The following SLC25A48 variants were observed in gnomAD, a reference collection of about 807,000 sequenced individuals.
SLC25A48 encodes the protein CTC-321K16.1.
Under a neutral mutation model 32.2 loss-of-function variants are expected in SLC25A48, and 29 were observed. The ratio of observed to expected loss-of-function variants is 0.90; its 90% CI spans 0.67 to 1.23. SLC25A48 has a LOEUF of 1.23. Ranked by LOEUF, SLC25A48 falls within the 50% of genes most tolerant of loss-of-function variation. SLC25A48 has a pLI of 0.00. For synonymous variants in SLC25A48, 164 were observed against 172.3 expected (o/e 0.95, Z 0.38); for missense variants, 399 against 422.7 (o/e 0.94, Z 0.49).
chr5:135,724,426 C>G (rs1000985998), intron 3 of SLC25A48, among the ~76,000 whole-genome samples: 1 of 152,212 alleles, frequency 6.6e-6, no homozygotes, highest in Non-Finnish European at 1.5e-5. Flanking sequence ...CCCAGCTCCT[C>G]GAGTGAGGGC....
At position 135,631,514 on chromosome 5, in the gene SLC25A48, T is replaced by C. The variant is rs116784407; in HGVS notation, c.-709+2138T>C. On this transcript the variant is annotated intron_variant, in intron 2 of 10. Transcript: ENST00000646290. The stretch of plus-strand genomic sequence containing the variant: ...ACTGGCAGTATAATAGTTCTCATTT[T>C]AGAAAGGTTTCAGGCCTATTTAATG... Among the ~76,000 whole-genome samples the C allele has an allele frequency of 6.2e-3, 946 of 152,360 alleles. 6 individuals are homozygous for C. The highest frequency in any genetic ancestry group is 0.021 in the African/African-American group (893 of 41,588).
chr5:135,650,356 A>G, intron 3 of SLC25A48: 1 of 452,560 alleles, frequency 2.2e-6, no homozygotes, highest in Non-Finnish European at 4.4e-6. Flanking sequence ...ATGGACGGAC[A>G]TTGCCAGCAT....
At chr5:135,634,331 G>A (rs183095775) in intron 2 of SLC25A48, among the ~76,000 whole-genome samples, 4 of 152,370 alleles carry the variant, frequency 2.6e-5, no homozygotes, top group African/African-American at 9.6e-5. Flanking sequence ...TCTAGGAGAA[G>A]CCATTCAGGA....
At chr5:135,886,855 T>C (rs1762757319) in intron 7 of SLC25A48, among the ~76,000 whole-genome samples, 1 of 151,436 alleles carries the variant, frequency 6.6e-6, no homozygotes, top group African/African-American at 2.4e-5. Flanking sequence ...ATCCTATTTT[T>C]AAGAAGGATG....
intron 3 of SLC25A48, among the ~76,000 whole-genome samples, chr5:135,636,865 T>A (rs1752718046): frequency 6.6e-6 from 1 of 152,218 alleles, no homozygotes; most frequent in Non-Finnish European, 1.5e-5. Context: ...CAAGCCACGT[T>A]CTGCATCTCT....
chr5:135,857,722 G>A (rs1415704051), intron 4 of SLC25A48, among the ~76,000 whole-genome samples: 1 of 152,188 alleles, frequency 6.6e-6, no homozygotes, highest in Admixed American at 6.5e-5. Flanking sequence ...GAGTCAAGGA[G>A]GGTTTGGGAG....
At chr5:135,778,509 T>C (rs957828630) in intron 3 of SLC25A48, among the ~76,000 whole-genome samples, 1 of 151,668 alleles carries the variant, frequency 6.6e-6, no homozygotes, top group African/African-American at 2.4e-5. Flanking sequence ...AGGATGATAT[T>C]ACTCCCAATG....
At chr5:135,628,399 G>T (rs943914916) in intron 1 of SLC25A48, among the ~76,000 whole-genome samples, 7 of 152,274 alleles carry the variant, frequency 4.6e-5, no homozygotes, top group African/African-American at 1.7e-4. Context: ...CTAAGGCTGG[G>T]TTATCCTCTG....
At chr5:135,631,391 A>G (rs31264) in intron 2 of SLC25A48, among the ~76,000 whole-genome samples, 15,448 of 152,254 alleles carry the variant, frequency 0.1, 906 homozygotes, top group African/African-American at 0.15. Context: ...TGTCCAAGAT[A>G]TGGAGGCGGA....
chr5:135,655,018 C>T lies in SLC25A48; in HGVS notation c.-521+20062C>T, dbSNP rs532381835. Among the ~76,000 whole-genome samples the T allele has an allele frequency of 9.2e-5, 14 of 152,244 alleles. No homozygotes were observed. In the South Asian group the frequency reaches 1.5e-3, roughly 16 times the overall value. On this transcript the variant is annotated intron_variant, in intron 3 of 10. Transcript: ENST00000646290. ...ACAGAGCTGTGCCTTGGGGCAGAGG[C>T]GGAAGCTGGGGGACCTAGCAGGGCC...
chr5:135,709,038 A>G (rs1754590454), intron 3 of SLC25A48, among the ~76,000 whole-genome samples: 1 of 152,134 alleles, frequency 6.6e-6, no homozygotes. Context: ...AATGTGGAAA[A>G]CTCCATTCAA....
Position 135,788,704 on chromosome 5 carries a change from G to T in SLC25A48, c.-520-23819G>T, listed in dbSNP as rs565667809. On this transcript the variant is annotated intron_variant, in intron 3 of 10. Transcript: ENST00000646290. ...CTCTAATATCCAGGGGGGGAAGAGG[G>T]TGACATTATTCCCCATGTGGCGGGA... Among the ~76,000 whole-genome samples, 68 of 151,156 alleles carry T rather than the reference G, an allele frequency of 4.5e-4. 1 individual carries two copies. The highest frequency in any genetic ancestry group is 1.6e-3 in the Admixed American group (24 of 15,202).
intron 1 of SLC25A48, among the ~76,000 whole-genome samples, chr5:135,605,936 T>G (rs1426979961): frequency 6.6e-6 from 1 of 152,170 alleles, no homozygotes; most frequent in Non-Finnish European, 1.5e-5. Context: ...ATTTTCCAAT[T>G]TAAGATTCAG....
rs146774595 is a variant in SLC25A48 at position 135,614,386 on chromosome 5, C to A, written c.-848-14851C>A. On this transcript the variant is annotated intron_variant, in intron 1 of 10. Transcript: ENST00000646290. ...CAAGGACAATTTGACTTTCTCCTTT[C>A]CAGTTTGGATGTCTTTTATTTCTTT... Among the ~76,000 whole-genome samples, 573 of 152,194 alleles carry A rather than the reference C, an allele frequency of 3.8e-3. 3 individuals carry two copies. Among genetic ancestry groups the A allele is most frequent in the African/African-American group, 0.013 (549 of 41,534 alleles).
chr5:135,613,163 C>G (rs1752111291), intron 1 of SLC25A48, among the ~76,000 whole-genome samples: 1 of 152,168 alleles, frequency 6.6e-6, no homozygotes, highest in Non-Finnish European at 1.5e-5. Context: ...TTGCATTTCC[C>G]TGGTGATTAG....
At chr5:135,688,526 T>C (rs1383438783) in intron 3 of SLC25A48, among the ~76,000 whole-genome samples, 1 of 152,220 alleles carries the variant, frequency 6.6e-6, no homozygotes, top group Non-Finnish European at 1.5e-5. Context: ...ACACACACCA[T>C]GGAAAGAAAT....
intron 3 of SLC25A48, among the ~76,000 whole-genome samples, chr5:135,690,829 G>A: frequency 6.6e-6 from 1 of 152,198 alleles, no homozygotes; most frequent in East Asian, 1.9e-4. Flanking sequence ...GCGGAGTGTG[G>A]GGCCCAAGAG....
At chr5:135,653,016 G>A (rs1753153075) in intron 3 of SLC25A48, among the ~76,000 whole-genome samples, 1 of 152,250 alleles carries the variant, frequency 6.6e-6, no homozygotes, top group South Asian at 2.1e-4. Context: ...GTGGGTTCAC[G>A]CTCTTCCACT....
intron 3 of SLC25A48, among the ~76,000 whole-genome samples, chr5:135,729,626 G>A (rs1424721249): frequency 6.6e-6 from 1 of 152,154 alleles, no homozygotes; most frequent in Non-Finnish European, 1.5e-5. Context: ...AGTTTTAAAT[G>A]ATCATTAATG....
Sources: gnomAD v4.1 joint callset for allele counts (sites outside exome capture counted in the v4.1 genomes callset) on GRCh38, gnomAD v4.1.1 for gene constraint, MANE v1.5 for transcripts, NCBI Gene and HGNC (gene_info 2026-07-23, HGNC 2026-07-21) for gene names.